EIF3E: variants seen among roughly 807,000 people sequenced by gnomAD.
EIF3E encodes eukaryotic translation initiation factor 3 subunit E, also known as eIF-3 p48.
EIF3E carries 25 observed loss-of-function variants against 59.3 expected under a neutral mutation model. That is an observed-to-expected ratio of 0.42 (90% CI 0.31 to 0.59). The LOEUF is 0.59. Among genes scored for constraint, EIF3E ranks in the 20% least tolerant of loss-of-function variants. EIF3E has a pLI of 0.15. For missense variants in EIF3E, 317 were observed against 534.3 expected, an observed-to-expected ratio of 0.59 and a Z score of 4.01; for synonymous variants, 176 against 170.2, an observed-to-expected ratio of 1.03 and a Z score of -0.26.
intron 1 of EIF3E, among the ~76,000 whole-genome samples, chr8:108,246,290 G>C (rs1278024790): frequency 6.7e-6 from 1 of 149,572 alleles, no homozygotes; most frequent in Admixed American, 6.7e-5. Flanking sequence ...GGTGTGGGGG[G>C]GGGGGGCTGC....
Position 108,228,988 on chromosome 8 carries a change from A to G in EIF3E, c.597+82T>C, listed in dbSNP as rs1815572281. The G allele has an allele frequency of 2.2e-6, 3 of 1,366,408 alleles. 1 individual carries two copies. The highest frequency in any genetic ancestry group is 5.6e-4 in the Middle Eastern group (2 of 3,546). The allele number at this position is 1,366,408 out of a possible 1,614,324, so 84.6% of individuals were successfully genotyped here. The stretch of plus-strand genomic sequence containing the variant: ...ATGAATTTTTTTTTTTAATTCCCAA[A>G]ATGCATAGTGATTTTCCTCATCAGA... On this transcript the variant is annotated intron_variant, in intron 6 of 12. Coordinates refer to ENST00000220849, the MANE Select transcript of EIF3E (RefSeq NM_001568.3).
intron 2 of EIF3E, 29 bp from the exon 3 acceptor site, chr8:108,240,104 A>G (rs1225984286): frequency 1.2e-5 from 19 of 1,525,900 alleles, no homozygotes; most frequent in Non-Finnish European, 1.7e-5. Flanking sequence ...GAGCACTACA[A>G]TGTTAAGGAA....
At chr8:108,228,430 A>G (rs761132896) in intron 6 of EIF3E, 39 bp from the exon 7 acceptor site, 1 of 1,377,596 alleles carries the variant, frequency 7.3e-7, no homozygotes, top group Admixed American at 2.9e-5. Context: ...AAATATTAAT[A>G]TATAAGAAAG....
chr8:108,238,267 T>A (rs577007760), intron 3 of EIF3E, among the ~76,000 whole-genome samples: 37 of 152,342 alleles, frequency 2.4e-4, no homozygotes, highest in African/African-American at 8.9e-4. Context: ...TATATCTCTG[T>A]GTGTTTTCCC....
chr8:108,237,096 T>C (rs1259481224), intron 3 of EIF3E, among the ~76,000 whole-genome samples: 2 of 152,214 alleles, frequency 1.3e-5, no homozygotes, highest in Admixed American at 6.5e-5. Flanking sequence ...CCCTACACAA[T>C]CCTTAGGTAT....
intron 5 of EIF3E, among the ~76,000 whole-genome samples, chr8:108,231,090 A>G (rs924250213): frequency 6.6e-6 from 1 of 152,188 alleles, no homozygotes; most frequent in Non-Finnish European, 1.5e-5. Flanking sequence ...GACTTAATGT[A>G]GCCACACAAG....
Position 108,217,426 on chromosome 8 carries a change from T to C in EIF3E, c.757A>G (p.Ile253Val). The change falls in exon 8 of 13, where the codon ATT (isoleucine) becomes GTT (valine). Residue 253 changes from isoleucine to valine, a missense_variant. Transcript: ENST00000220849. Reference sequence around the variant, plus strand: ...ACTGCTGTAGTCAAATAGCGAAGAATGTGTGGACACATTGTCTGAATTGCA... The same window carrying C: ...ACTGCTGTAGTCAAATAGCGAAGAACGTGTGGACACATTGTCTGAATTGCA... ...LNAIQTMCPHILRYLTTAVIT... is the reference protein window; with the variant it reads ...LNAIQTMCPHVLRYLTTAVIT... The C allele has an allele frequency of 6.2e-7, 1 of 1,604,120 alleles. No individual in the cohort carries two copies. Among genetic ancestry groups the C allele is most frequent in the African/African-American group, 1.3e-5 (1 of 74,684 alleles).
chr8:108,202,938 A>C (rs569620347), intron 12 of EIF3E, 45 bp downstream of exon 12: 3 of 1,563,340 alleles, frequency 1.9e-6, no homozygotes, highest in Non-Finnish European at 2.6e-6. Context: ...TAACAATTAC[A>C]TGGTTGCTAA....
intron 3 of EIF3E, among the ~76,000 whole-genome samples, chr8:108,236,728 T>C (rs1815737644): frequency 6.6e-6 from 1 of 152,164 alleles, no homozygotes; most frequent in South Asian, 2.1e-4. Flanking sequence ...ACAAGATTAA[T>C]AAATCATGCC....
chr8:108,219,091 G>T (rs1389734722), intron 7 of EIF3E, among the ~76,000 whole-genome samples: 1 of 151,786 alleles, frequency 6.6e-6, no homozygotes, highest in Non-Finnish European at 1.5e-5. Context: ...AGACAAAGTA[G>T]GTCATTTTAG....
chr8:108,248,078 G>T (rs970320555), intron 1 of EIF3E, among the ~76,000 whole-genome samples: 1 of 151,446 alleles, frequency 6.6e-6, no homozygotes, highest in Non-Finnish European at 1.5e-5. Context: ...TGCTGTTCTA[G>T]AAAGTCCTAC....
intron 10 of EIF3E, among the ~76,000 whole-genome samples, chr8:108,204,475 C>T (rs1341422418): frequency 1.3e-5 from 2 of 151,834 alleles, no homozygotes; most frequent in African/African-American, 4.8e-5. Flanking sequence ...CTTATGTTCT[C>T]CTTTATAAGT....
chr8:108,216,335 A>C (rs2129865788), intron 9 of EIF3E, 77 bp downstream of exon 9: 1 of 1,049,650 alleles, frequency 9.5e-7, no homozygotes, highest in East Asian at 2.6e-5. Flanking sequence ...ACTTTAAGGA[A>C]GACACTGCAA....
intron 7 of EIF3E, 25 bp from the exon 8 acceptor site, chr8:108,217,485 T>A: frequency 6.4e-7 from 1 of 1,557,048 alleles, no homozygotes; most frequent in Non-Finnish European, 8.7e-7. Flanking sequence ...AAAAGTTATT[T>A]AATAACTTAC....
At position 108,212,818 on chromosome 8, in the gene EIF3E, G is replaced by A. The variant is rs1191890496; in HGVS notation, c.1061+1789C>T. ...CTGTGTCTCCCCCCAAAAAAAGAAA[G>A]AAAAAGAAAAACATACATTATTGAT... On this transcript the variant is annotated intron_variant, in intron 10 of 12. Coordinates refer to ENST00000220849, the MANE Select transcript of EIF3E (RefSeq NM_001568.3). Among the ~76,000 whole-genome samples the A allele has an allele frequency of 2.7e-5, 4 of 149,890 alleles. No homozygotes were observed. The East Asian group carries it at 5.9e-4, about 22-fold the overall frequency.
chr8:108,217,552 G>T, intron 7 of EIF3E, 92 bp from the exon 8 acceptor site: 2 of 1,010,194 alleles, frequency 2.0e-6, no homozygotes, highest in Non-Finnish European at 2.8e-6. Flanking sequence ...TATTTCACTA[G>T]CCTAAGACTG....
intron 7 of EIF3E, among the ~76,000 whole-genome samples, chr8:108,224,869 A>C (rs1346308796): frequency 6.6e-6 from 1 of 151,618 alleles, no homozygotes; most frequent in Non-Finnish European, 1.5e-5. Flanking sequence ...AGCAGTCCCT[A>C]TATTTTTCAC....
chr8:108,210,691 C>T (rs1815190369), intron 10 of EIF3E, among the ~76,000 whole-genome samples: 1 of 152,176 alleles, frequency 6.6e-6, no homozygotes, highest in Non-Finnish European at 1.5e-5. Flanking sequence ...TGGTGTGCTG[C>T]ACCCATTAAC....
chr8:108,206,592 GCACACACACACACA>G (rs58104020), intron 10 of EIF3E, among the ~76,000 whole-genome samples: 1 of 149,580 alleles, frequency 6.7e-6, no homozygotes, highest in Non-Finnish European at 1.5e-5. Flanking sequence ...GTGCACATGT[GCACACACACACACA>G]CACACACACA....
Sources: gnomAD v4.1 joint callset for allele counts (sites outside exome capture counted in the v4.1 genomes callset) on GRCh38, gnomAD v4.1.1 for gene constraint, MANE v1.5 for transcripts, NCBI Gene and HGNC (gene_info 2026-07-23, HGNC 2026-07-21) for gene names.